The following CTDP1 variants were observed in gnomAD, a reference collection of about 807,000 sequenced individuals.
CTDP1 encodes RNA polymerase II subunit A C-terminal domain phosphatase.
Under a neutral mutation model 91.8 loss-of-function variants are expected in CTDP1, and 47 were observed. That is an observed-to-expected ratio of 0.51 (90% CI 0.41 to 0.65). The LOEUF is 0.65. Among genes scored for constraint, CTDP1 ranks in the 30% least tolerant of loss-of-function variants. The pLI is 0.00. For synonymous variants in CTDP1, 656 were observed against 598.5 expected, an observed-to-expected ratio of 1.10 and a Z score of -1.40; for missense variants, 1,272 against 1,373.7, an observed-to-expected ratio of 0.93 and a Z score of 1.17.
At chr18:79,681,539 C>G in intron 1 of CTDP1, 1 of 962,690 alleles carries the variant, frequency 1.0e-6, no homozygotes. Flanking sequence ...GGTTATGTGG[C>G]AAGTTAGTAT....
intron 1 of CTDP1, chr18:79,685,337 G>A (rs932474081): frequency 3.9e-5 from 6 of 152,062 alleles, no homozygotes; most frequent in African/African-American, 1.4e-4. Flanking sequence ...CTTTGCTTTG[G>A]CTTTTTCCCA....
At chr18:79,720,484 G>A (rs987834235) in intron 10 of CTDP1, among the ~76,000 whole-genome samples, 2 of 149,620 alleles carry the variant, frequency 1.3e-5, no homozygotes, top group African/African-American at 5.0e-5. Flanking sequence ...GGGCGTCCTC[G>A]TGATGATGTC....
intron 11 of CTDP1, among the ~76,000 whole-genome samples, chr18:79,730,251 C>T (rs1360982213): frequency 6.6e-6 from 1 of 152,186 alleles, no homozygotes; most frequent in East Asian, 1.9e-4. Context: ...TAAGCCCAGA[C>T]CACTTTATTT....
chr18:79,705,692 G>A (rs1328441405), intron 5 of CTDP1, among the ~76,000 whole-genome samples: 7 of 152,234 alleles, frequency 4.6e-5, no homozygotes, highest in Non-Finnish European at 1.0e-4. Flanking sequence ...GTGTAGGCAA[G>A]CTCCTCCGTA....
intron 8 of CTDP1, among the ~76,000 whole-genome samples, chr18:79,716,745 A>T (rs552411656): frequency 1.3e-5 from 2 of 152,194 alleles, no homozygotes; most frequent in Non-Finnish European, 2.9e-5. Context: ...CTTCTCTCGC[A>T]TTCCTTCCTT....
chr18:79,728,773 C>G (rs952338099), intron 10 of CTDP1, 134 bp from the exon 11 acceptor site: 1 of 648,252 alleles, frequency 1.5e-6, no homozygotes, highest in Non-Finnish European at 2.3e-6. Context: ...GGCGAAACAT[C>G]ACGTTTTTCA....
intron 12 of CTDP1, among the ~76,000 whole-genome samples, chr18:79,738,709 T>A (rs1275502431): frequency 1.3e-5 from 2 of 152,252 alleles, no homozygotes; most frequent in African/African-American, 4.8e-5. Flanking sequence ...CAAGACAAGA[T>A]AGTCATTGTT....
At chr18:79,731,410 C>G (rs1333364080) in intron 11 of CTDP1, among the ~76,000 whole-genome samples, 1 of 152,218 alleles carries the variant, frequency 6.6e-6, no homozygotes, top group Non-Finnish European at 1.5e-5. Flanking sequence ...CTCCCACCCA[C>G]ACTGACAAGG....
intron 12 of CTDP1, among the ~76,000 whole-genome samples, chr18:79,738,251 G>A (rs950998962): frequency 1.4e-4 from 21 of 152,224 alleles, no homozygotes; most frequent in Non-Finnish European, 2.2e-4. Flanking sequence ...CTCCGAGGCC[G>A]TCCGAGGTAA....
chr18:79,702,702 T>A (rs913829646), intron 4 of CTDP1: 1 of 152,234 alleles, frequency 6.6e-6, no homozygotes, highest in Non-Finnish European at 1.5e-5. Context: ...ATTTTTAAAT[T>A]AAGTTAGGTA....
At chr18:79,729,688 C>T (rs2086526063) in intron 11 of CTDP1, among the ~76,000 whole-genome samples, 1 of 152,234 alleles carries the variant, frequency 6.6e-6, no homozygotes, top group Non-Finnish European at 1.5e-5. Flanking sequence ...GGTCCCAGGC[C>T]GCCCCCTGAT....
chr18:79,753,912 G>T lies in CTDP1; in HGVS notation c.*122G>T. The T allele has an allele frequency of 7.7e-7, 1 of 1,305,624 alleles. No homozygotes were observed. The highest frequency in any genetic ancestry group is 1.1e-6 in the Non-Finnish European group (1 of 936,420). The allele number at this position is 1,305,624 out of a possible 1,614,324, so 80.9% of individuals were successfully genotyped here. On this transcript the variant is annotated 3_prime_UTR_variant, in exon 13 of 13. Coordinates refer to ENST00000613122, the MANE Select transcript of CTDP1 (RefSeq NM_004715.5). ...CCCAAAGGACATGTATATTTGCAGA[G>T]CTCCACATACAGAAACACATTATTT...
Position 79,712,993 on chromosome 18 carries a change from C to T in CTDP1, c.885C>T (p.Asp295=). The change falls in exon 7 of 13, where the codon GAC becomes GAT. Residue 295 remains aspartate (D), a synonymous_variant. Transcript: ENST00000613122. ...GTAGAAATCTCTTTCCTTGTGGAGA[C>T]TCAATGGTTTGCATTATTGATGATC... The part of the protein sequence containing the change: ...GNLRNLFPCG[D]SMVCIIDDRE... 1.2e-6 allele frequency: 2 copies of T among 1,614,108 alleles called. No homozygotes were observed. The highest frequency in any genetic ancestry group is 1.7e-6 in the Non-Finnish European group (2 of 1,179,988).
intron 12 of CTDP1, among the ~76,000 whole-genome samples, chr18:79,748,370 C>T (rs72976198): frequency 0.12 from 18,355 of 152,262 alleles, 1,544 homozygotes; most frequent in Non-Finnish European, 0.19. Context: ...CAGGAGGGAC[C>T]GCGCAGGGCC....
intron 11 of CTDP1, among the ~76,000 whole-genome samples, chr18:79,733,271 G>A (rs1015186782): frequency 6.6e-6 from 1 of 151,776 alleles, no homozygotes. Context: ...CCGCAGCCTC[G>A]GCACAGGACG....
Position 79,717,561 on chromosome 18 carries a change from G to A in CTDP1, c.2095G>A (p.Glu699Lys). ...AGTEKVLQAQ[E>K]CGHLHVVNPD... The stretch of plus-strand genomic sequence containing the variant: ...CACAGAGAAGGTGCTGCAGGCACAG[G>A]AGTGCGGACACCTGCACGTGGTCAA... The change falls in exon 9 of 13, where the codon GAG (glutamate) becomes AAG (lysine). Residue 699 changes from glutamate to lysine, a missense_variant. Physicochemically the swap from Glu to Lys is moderately conservative, Grantham distance 56. This residue lies in a region of CTDP1 where 881 missense variants were observed against 911.6 expected (regional missense o/e 0.97). Coordinates refer to ENST00000613122, the MANE Select transcript of CTDP1 (RefSeq NM_004715.5). 1 of 1,613,718 alleles carries A rather than the reference G, an allele frequency of 6.2e-7. No homozygotes were observed. The highest frequency in any genetic ancestry group is 2.2e-5 in the East Asian group (1 of 44,888).
intron 10 of CTDP1, among the ~76,000 whole-genome samples, chr18:79,722,196 A>G (rs981045828): frequency 3.3e-5 from 5 of 152,270 alleles, no homozygotes; most frequent in African/African-American, 9.6e-5. Context: ...AGACTTGCAG[A>G]TGGTAAGCTG....
chr18:79,744,800 G>A (rs908590603), intron 12 of CTDP1, among the ~76,000 whole-genome samples: 14 of 152,150 alleles, frequency 9.2e-5, no homozygotes, highest in Non-Finnish European at 1.5e-5. Flanking sequence ...ACTCAGTCAT[G>A]GGGGGCGTCG....
Position 79,695,972 on chromosome 18 carries a change from T to TG in CTDP1, c.399-4dup, listed in dbSNP as rs2122493226. On this transcript the variant is annotated splice_region_variant and splice_polypyrimidine_tract_variant and intron_variant, in intron 2 of 12. Transcript: ENST00000613122. The stretch of plus-strand genomic sequence containing the variant: ...AAAGCCCTGAACCTGTCCTTGCACT[T>TG]GCAGGTTGCAGAGTAAGAACGGGAA... 1 of 1,611,528 alleles carries TG rather than the reference T, an allele frequency of 6.2e-7. No homozygotes were observed. Among genetic ancestry groups the TG allele is most frequent in the Non-Finnish European group, 8.5e-7 (1 of 1,179,440 alleles).
Sources: gnomAD v4.1 joint callset for allele counts (sites outside exome capture counted in the v4.1 genomes callset) on GRCh38, gnomAD v4.1.1 for gene constraint, gnomAD v4.1.1 regional missense constraint, MANE v1.5 for transcripts, NCBI Gene and HGNC (gene_info 2026-07-23, HGNC 2026-07-21) for gene names.